Variants in TENM2 observed in about 807,000 individuals in gnomAD.
The protein encoded by TENM2 is teneurin-2.
A neutral mutation model predicts 245.2 loss-of-function variants in TENM2; 52 were observed. The observed-to-expected ratio is 0.21, with a 90% CI of 0.17 to 0.27. TENM2 has a LOEUF of 0.27. Among genes scored for constraint, TENM2 ranks in the 10% least tolerant of loss-of-function variants. The pLI, the probability that TENM2 is intolerant of heterozygous loss-of-function variation, is 1.00. For synonymous variants in TENM2, 1,363 were observed against 1,438.9 expected (o/e 0.95, Z 1.19); for missense variants, 3,046 against 3,666.8 (o/e 0.83, Z 4.37).
In TENM2 at chr5:168,247,470, G is replaced by A. The variant is rs1474636129; in HGVS notation, c.6531G>A (p.Val2177=). Residue 2177 remains valine, a synonymous_variant, in exon 27 of 29, where the codon GTG becomes GTA. Transcript: ENST00000518659. The surrounding 1 kb of genome is among the most constrained non-coding windows in gnomAD (Gnocchi z 7.8). ...GGTCCCTCATGTACTGGATGACGGT[G>A]CAATATGACAGCATGGGCAGGGTGA... is the stretch of plus-strand genomic sequence containing the variant. 6 of 1,612,512 alleles carry A rather than the reference G, an allele frequency of 3.7e-6. No individual in the cohort carries two copies. Among genetic ancestry groups the A allele is most frequent in the Non-Finnish European group, 5.1e-6 (6 of 1,178,890 alleles).
At chr5:167,470,177 A>G (rs1337801379) in intron 2 of TENM2, among the ~76,000 whole-genome samples, 1 of 152,110 alleles carries the variant, frequency 6.6e-6, no homozygotes, top group Non-Finnish European at 1.5e-5. Flanking sequence ...TTTCTACCAT[A>G]ATGAAGCTTT....
intron 2 of TENM2, among the ~76,000 whole-genome samples, chr5:167,453,228 T>A (rs1334895820): frequency 6.6e-6 from 1 of 152,018 alleles, no homozygotes; most frequent in African/African-American, 2.4e-5. Flanking sequence ...AATACTTTTT[T>A]AAATGGAGTT....
chr5:168,061,208 C>G (rs1403038763), intron 6 of TENM2, among the ~76,000 whole-genome samples: 1 of 152,158 alleles, frequency 6.6e-6, no homozygotes, highest in Non-Finnish European at 1.5e-5. Context: ...GGCCTTTATA[C>G]TGAGACTTTT....
chr5:167,425,697 C>T (rs57107348), intron 2 of TENM2, among the ~76,000 whole-genome samples: 1 of 152,094 alleles, frequency 6.6e-6, no homozygotes, highest in African/African-American at 2.4e-5. Context: ...TGGGAAATTA[C>T]TTAATCTCTC....
chr5:167,324,588 C>T lies in TENM2; in HGVS notation c.226+39525C>T, dbSNP rs374551887. On this transcript the variant is annotated intron_variant, in intron 1 of 28. Transcript: ENST00000518659. ...TCTCTTTTTATTTATGGAAAAAAAA[C>T]TAAATCGAACCAGGTAGTTGAATCC... Among the ~76,000 whole-genome samples, 4 of 151,354 alleles carry T rather than the reference C, an allele frequency of 2.6e-5. No homozygotes were observed. In the East Asian group the frequency reaches 5.8e-4, roughly 22 times the overall value.
chr5:167,302,179 G>C (rs1755370833), intron 1 of TENM2, among the ~76,000 whole-genome samples: 1 of 152,154 alleles, frequency 6.6e-6, no homozygotes, highest in African/African-American at 2.4e-5. Flanking sequence ...GAATTACTTA[G>C]ATCTTGTAGG....
chr5:167,838,845 T>A (rs1440405470), intron 2 of TENM2, among the ~76,000 whole-genome samples: 1 of 152,184 alleles, frequency 6.6e-6, no homozygotes. Flanking sequence ...TTTTTAAAGC[T>A]TAAATAATGA....
the TENM2 span, among the ~76,000 whole-genome samples, chr5:167,151,242 T>C: frequency 6.6e-6 from 1 of 152,206 alleles, no homozygotes; most frequent in Non-Finnish European, 1.5e-5. Context: ...ATGGCATTTC[T>C]AAAACATTAT....
At chr5:167,537,975 G>A (rs1453168129) in intron 2 of TENM2, among the ~76,000 whole-genome samples, 1 of 152,214 alleles carries the variant, frequency 6.6e-6, no homozygotes, top group Non-Finnish European at 1.5e-5. Flanking sequence ...CCTTAAGGGA[G>A]GAAGGAAACT....
the TENM2 span, among the ~76,000 whole-genome samples, chr5:167,125,558 A>G: frequency 6.6e-6 from 1 of 152,216 alleles, no homozygotes; most frequent in Admixed American, 6.5e-5. Context: ...TTGTCCCTGT[A>G]CATTTCTGGG....
At chr5:167,375,026 A>C (rs990845146) in intron 1 of TENM2, among the ~76,000 whole-genome samples, 172 bp from the exon 4 acceptor site, 2 of 152,156 alleles carry the variant, frequency 1.3e-5, no homozygotes, top group African/African-American at 4.8e-5. Context: ...TTTGTTTTTC[A>C]AAGGTATCCC....
chr5:168,199,161 A>C (rs1385629294), intron 16 of TENM2, 47 bp downstream of exon 18: 2 of 1,577,048 alleles, frequency 1.3e-6, no homozygotes, highest in East Asian at 4.6e-5. Flanking sequence ...TTCCCTAACG[A>C]AAACCAACTG....
At chr5:167,658,777 T>A (rs1292098753) in intron 2 of TENM2, among the ~76,000 whole-genome samples, 6 of 152,180 alleles carry the variant, frequency 3.9e-5, no homozygotes, top group Admixed American at 3.9e-4. Context: ...TGGAATGGCC[T>A]GTATTCAAAT....
At chr5:167,186,315 T>G in the TENM2 span, among the ~76,000 whole-genome samples, 1 of 152,198 alleles carries the variant, frequency 6.6e-6, no homozygotes, top group Non-Finnish European at 1.5e-5. Flanking sequence ...CATGCTGCTG[T>G]GTTTGAAAGA....
intron 2 of TENM2, among the ~76,000 whole-genome samples, chr5:167,859,360 CCCCG>C (rs1771449803): frequency 6.8e-6 from 1 of 147,564 alleles, no homozygotes; most frequent in African/African-American, 2.5e-5. Flanking sequence ...CCGGCAGCCA[CCCCG>C]TCCGGGAGGG....
At chr5:167,347,154 A>G (rs1758512649) in intron 1 of TENM2, among the ~76,000 whole-genome samples, 1 of 151,780 alleles carries the variant, frequency 6.6e-6, no homozygotes, top group South Asian at 2.1e-4. Flanking sequence ...AAAAAAAAAA[A>G]CCTGTGTATA....
In TENM2 at chr5:167,873,717, G is replaced by A. The variant is rs149069094; in HGVS notation, c.503-2269G>A. ...TGTTAGAAGGAGACCTGGGATGAGG[G>A]AGGTATTGATTAAACATTAGCACTG... On this transcript the variant is annotated intron_variant, in intron 2 of 28. Transcript: ENST00000518659. Among the ~76,000 whole-genome samples, 428 of 152,244 alleles carry A rather than the reference G, an allele frequency of 2.8e-3. 2 individuals carry two copies. Among genetic ancestry groups the A allele is most frequent in the African/African-American group, 9.7e-3 (401 of 41,536 alleles).
chr5:167,066,244 C>G, the TENM2 span, among the ~76,000 whole-genome samples: 1 of 152,098 alleles, frequency 6.6e-6, no homozygotes, highest in East Asian at 1.9e-4. Context: ...ACTATATTAC[C>G]AAACCAAGGA....
the TENM2 span, among the ~76,000 whole-genome samples, chr5:167,032,279 C>G: frequency 6.6e-6 from 1 of 152,182 alleles, no homozygotes; most frequent in Admixed American, 6.5e-5. Flanking sequence ...GTGGTACAAT[C>G]TGCAAATCTG....
Sources: gnomAD v4.1 joint callset for allele counts (sites outside exome capture counted in the v4.1 genomes callset) on GRCh38, gnomAD v4.1.1 for gene constraint, Gnocchi (gnomAD v3.1) non-coding constraint, MANE v1.5 for transcripts, NCBI Gene and HGNC (gene_info 2026-07-23, HGNC 2026-07-21) for gene names.